The following RAB22A variants were observed in gnomAD, a reference collection of about 807,000 sequenced individuals.
The protein encoded by RAB22A is RAB22A, member RAS oncogene family, also known as ras-related protein Rab-22A.
Under a neutral mutation model 30.2 loss-of-function variants are expected in RAB22A, and 13 were observed. The ratio of observed to expected loss-of-function variants is 0.43; its 90% CI spans 0.28 to 0.68. The LOEUF is 0.68. RAB22A is among the 30% of genes least tolerant of loss of function. The probability of loss-of-function intolerance (pLI) is 0.18; values close to 1 mark genes in which losing one functional copy is unlikely to be tolerated. For synonymous variants in RAB22A, 89 were observed against 87.2 expected (o/e 1.02, Z -0.11); for missense variants, 177 against 246.8 (o/e 0.72, Z 1.89).
At chr20:58,349,578 A>T (rs1184511629) in intron 3 of RAB22A, among the ~76,000 whole-genome samples, 2 of 152,230 alleles carry the variant, frequency 1.3e-5, no homozygotes, top group African/African-American at 4.8e-5. Context: ...GCTGCTCCTC[A>T]TTACAGCAGG....
chr20:58,350,480 T>C (rs77645673), intron 3 of RAB22A, among the ~76,000 whole-genome samples: 2,054 of 152,198 alleles, frequency 0.013, 19 homozygotes, highest in Non-Finnish European at 0.022. Flanking sequence ...GAACACCATA[T>C]CTAGGTAAGT....
chr20:58,331,859 C>T (rs148840577), intron 2 of RAB22A, among the ~76,000 whole-genome samples: 46 of 152,256 alleles, frequency 3.0e-4, no homozygotes, highest in Non-Finnish European at 6.3e-4. Flanking sequence ...TCTAGTGACT[C>T]CAGGTGACGG....
At chr20:58,337,165 C>A (rs982462022) in intron 2 of RAB22A, among the ~76,000 whole-genome samples, 8 of 152,170 alleles carry the variant, frequency 5.3e-5, no homozygotes, top group Admixed American at 3.9e-4. Flanking sequence ...GGTGAGAAGT[C>A]CAAAGTCAGT....
At chr20:58,322,000 G>A (rs996992752) in intron 2 of RAB22A, among the ~76,000 whole-genome samples, 1 of 152,098 alleles carries the variant, frequency 6.6e-6, no homozygotes, top group Non-Finnish European at 1.5e-5. Context: ...GGGTCACTTT[G>A]CTGCCCAGGC....
chr20:58,331,321 T>C (rs1986657117), intron 2 of RAB22A, among the ~76,000 whole-genome samples: 1 of 152,180 alleles, frequency 6.6e-6, no homozygotes, highest in Admixed American at 6.5e-5. Flanking sequence ...TCGTAGTAAA[T>C]ATTAAAATCT....
intron 2 of RAB22A, among the ~76,000 whole-genome samples, chr20:58,317,048 A>T (rs1159274076): frequency 6.6e-6 from 1 of 152,162 alleles, no homozygotes; most frequent in Non-Finnish European, 1.5e-5. Flanking sequence ...GACTTTGATT[A>T]GATCACAGCT....
At chr20:58,321,935 G>A (rs1038908222) in intron 2 of RAB22A, among the ~76,000 whole-genome samples, 1 of 152,088 alleles carries the variant, frequency 6.6e-6, no homozygotes, top group Non-Finnish European at 1.5e-5. Flanking sequence ...TGAATAATAG[G>A]ACCACAGGTG....
chr20:58,363,898 T>C lies in RAB22A; in HGVS notation c.*4195T>C, dbSNP rs1397789257. 2 of 152,462 alleles carry C rather than the reference T, an allele frequency of 1.3e-5. No individual in the cohort carries two copies. The highest frequency in any genetic ancestry group is 4.8e-5 in the African/African-American group (2 of 41,444). The allele number at this position is 152,462 out of a possible 1,614,324, so 9.4% of individuals were successfully genotyped here. Reference sequence around the variant, plus strand: ...AGATAAACATCATATTTTATAGTTTTAGAAAAAAGGGTTGGGGGTGGAATT... The same window carrying C: ...AGATAAACATCATATTTTATAGTTTCAGAAAAAAGGGTTGGGGGTGGAATT... On this transcript the variant is annotated 3_prime_UTR_variant, in exon 7 of 7. Coordinates refer to ENST00000244040, the MANE Select transcript of RAB22A (RefSeq NM_020673.3).
At chr20:58,338,948 A>G (rs1335014888) in intron 2 of RAB22A, among the ~76,000 whole-genome samples, 1 of 152,238 alleles carries the variant, frequency 6.6e-6, no homozygotes, top group Non-Finnish European at 1.5e-5. Flanking sequence ...GAGGCACTAT[A>G]TGCCATTATG....
intron 5 of RAB22A, among the ~76,000 whole-genome samples, chr20:58,353,756 A>C (rs2122968655): frequency 6.6e-6 from 1 of 152,332 alleles, no homozygotes; most frequent in Admixed American, 6.5e-5. Flanking sequence ...ATTTACGGAA[A>C]TACTGGTTGC....
chr20:58,327,028 C>A (rs142467189), intron 2 of RAB22A, among the ~76,000 whole-genome samples: 1 of 152,116 alleles, frequency 6.6e-6, no homozygotes, highest in South Asian at 2.1e-4. Context: ...GTCTTGTGGC[C>A]GGGCACAGTC....
chr20:58,336,989 CT>C (rs1423497285), intron 2 of RAB22A, among the ~76,000 whole-genome samples: 3 of 152,190 alleles, frequency 2.0e-5, no homozygotes, highest in East Asian at 1.9e-4. Flanking sequence ...TGGGACCCCC[CT>C]GGGGGTCCTC....
chr20:58,334,812 A>G (rs1443905686), intron 2 of RAB22A, among the ~76,000 whole-genome samples: 4 of 151,340 alleles, frequency 2.6e-5, no homozygotes, highest in Non-Finnish European at 5.9e-5. Context: ...GTAGACATCC[A>G]TGCCCTGTTC....
intron 2 of RAB22A, among the ~76,000 whole-genome samples, chr20:58,320,783 C>T (rs557522527): frequency 6.6e-6 from 1 of 152,150 alleles, no homozygotes; most frequent in Admixed American, 6.5e-5. Flanking sequence ...GGTACAGGTG[C>T]GGTGGTTCGC....
Position 58,361,488 on chromosome 20 carries a change from T to C in RAB22A, c.*1785T>C, listed in dbSNP as rs1264536840. 1.3e-5 allele frequency: 2 copies of C among 152,214 alleles called. No homozygotes were observed. Among genetic ancestry groups the C allele is most frequent in the African/African-American group, 4.8e-5 (2 of 41,454 alleles). The allele number at this position is 152,214 out of a possible 1,614,324, so 9.4% of individuals were successfully genotyped here. ...AACTTCGTTTTGTTTAAAAGACATG[T>C]GGATGCTCCATGCCCCTAGGATTTT... is the stretch of plus-strand genomic sequence containing the variant. On this transcript the variant is annotated 3_prime_UTR_variant, in exon 7 of 7. Transcript: ENST00000244040.
intron 2 of RAB22A, among the ~76,000 whole-genome samples, chr20:58,339,250 G>A (rs1015043238): frequency 7.2e-5 from 11 of 152,194 alleles, no homozygotes; most frequent in African/African-American, 2.2e-4. Context: ...ATGCTAGTAT[G>A]GATTTTAGAT....
At chr20:58,337,469 G>A (rs972219537) in intron 2 of RAB22A, among the ~76,000 whole-genome samples, 3 of 152,158 alleles carry the variant, frequency 2.0e-5, no homozygotes, top group African/African-American at 7.2e-5. Flanking sequence ...TCTGTTCACA[G>A]GTTCTGAGGT....
intron 2 of RAB22A, among the ~76,000 whole-genome samples, chr20:58,335,480 C>G (rs1162152109): frequency 6.6e-6 from 1 of 151,960 alleles, no homozygotes; most frequent in Non-Finnish European, 1.5e-5. Context: ...TGGATGATCT[C>G]CTAGGTATAG....
chr20:58,356,604 G>C (rs967510269), intron 6 of RAB22A, among the ~76,000 whole-genome samples: 6 of 152,214 alleles, frequency 3.9e-5, no homozygotes, highest in African/African-American at 4.8e-5. Context: ...ATACTCCGGT[G>C]CTTGGCACTC....
Sources: allele counts gnomAD v4.1 joint callset (sites outside exome capture counted in the v4.1 genomes callset), GRCh38; gene constraint gnomAD v4.1.1; transcripts MANE v1.5; gene names NCBI Gene and HGNC (gene_info 2026-07-23, HGNC 2026-07-21).